ATP10B: variants seen among roughly 807,000 people sequenced by gnomAD.
The protein encoded by ATP10B is phospholipid-transporting ATPase VB.
A neutral mutation model predicts 141.2 loss-of-function variants in ATP10B; 122 were observed. That is an observed-to-expected ratio of 0.86 (90% CI 0.75 to 1.00). ATP10B has a LOEUF of 1.00. Ranked by LOEUF, ATP10B falls within the 50% of genes least tolerant of loss-of-function variation. The probability of loss-of-function intolerance (pLI) is 0.00; values close to 1 mark genes in which losing one functional copy is unlikely to be tolerated. For synonymous variants in ATP10B, 685 were observed against 692.0 expected (o/e 0.99, Z 0.16); for missense variants, 1,876 against 1,825.3 (o/e 1.03, Z -0.51).
intron 2 of ATP10B, among the ~76,000 whole-genome samples, chr5:160,783,043 T>C (rs1025501959): frequency 6.6e-6 from 1 of 152,098 alleles, no homozygotes; most frequent in African/African-American, 2.4e-5. Flanking sequence ...TTTTATTTTC[T>C]TCCATAAGTT....
At chr5:160,650,307 G>A (rs917034287) in intron 7 of ATP10B, among the ~76,000 whole-genome samples, 1 of 151,936 alleles carries the variant, frequency 6.6e-6, no homozygotes, top group African/African-American at 2.4e-5. Flanking sequence ...GAGATTCAGT[G>A]TTCATTACAA....
the ATP10B span, among the ~76,000 whole-genome samples, chr5:160,918,407 T>C: frequency 6.6e-6 from 1 of 152,142 alleles, no homozygotes; most frequent in South Asian, 2.1e-4. Context: ...ATCTGAGCTC[T>C]GAAGGGTTAA....
At chr5:160,834,125 G>A (rs1048909392) in intron 1 of ATP10B, among the ~76,000 whole-genome samples, 14 of 151,914 alleles carry the variant, frequency 9.2e-5, no homozygotes, top group Non-Finnish European at 1.8e-4. Context: ...AGGAGTTTGA[G>A]AACAGCTTGG....
At chr5:160,804,976 A>G (rs1460741120) in intron 1 of ATP10B, among the ~76,000 whole-genome samples, 1 of 152,214 alleles carries the variant, frequency 6.6e-6, no homozygotes, top group East Asian at 1.9e-4. Flanking sequence ...TTCCAGATAC[A>G]TGGGTTCCCT....
chr5:160,761,498 C>T (rs1448172559), intron 2 of ATP10B, among the ~76,000 whole-genome samples: 1 of 152,186 alleles, frequency 6.6e-6, no homozygotes, highest in African/African-American at 2.4e-5. Flanking sequence ...TCACTGCAGT[C>T]TGGCTCTTAG....
chr5:160,922,274 C>CAA, the ATP10B span, among the ~76,000 whole-genome samples: 7 of 152,336 alleles, frequency 4.6e-5, no homozygotes, highest in South Asian at 4.1e-4. Flanking sequence ...TGTCTTGTAG[C>CAA]AAGTCACTTT....
intron 10 of ATP10B, among the ~76,000 whole-genome samples, chr5:160,640,133 T>G (rs908442261): frequency 6.6e-6 from 1 of 152,252 alleles, no homozygotes; most frequent in African/African-American, 2.4e-5. Context: ...TTTGTGTTGT[T>G]CTAAATGACT....
At chr5:160,824,768 A>G (rs1774445663) in intron 1 of ATP10B, among the ~76,000 whole-genome samples, 1 of 152,216 alleles carries the variant, frequency 6.6e-6, no homozygotes, top group Non-Finnish European at 1.5e-5. Context: ...GGTATATGCA[A>G]TCTTTCATTG....
At chr5:160,834,789 T>C (rs1018525549) in intron 1 of ATP10B, among the ~76,000 whole-genome samples, 1 of 152,114 alleles carries the variant, frequency 6.6e-6, no homozygotes, top group Non-Finnish European at 1.5e-5. Flanking sequence ...AGCCAAAGTA[T>C]GGACTAATTA....
intron 2 of ATP10B, among the ~76,000 whole-genome samples, chr5:160,768,174 T>TTTAAAA (rs1769618078): frequency 6.6e-6 from 1 of 152,186 alleles, no homozygotes; most frequent in Non-Finnish European, 1.5e-5. Flanking sequence ...CATCATGAAT[T>TTTAAAA]TTAAAGCATT....
the ATP10B span, among the ~76,000 whole-genome samples, chr5:160,877,003 GAA>G: frequency 6.6e-6 from 1 of 151,194 alleles, no homozygotes; most frequent in South Asian, 2.1e-4. Context: ...CCAATCAACA[GAA>G]AAAGAGGGAA....
At chr5:160,701,136 C>G (rs1341946382) in intron 3 of ATP10B, among the ~76,000 whole-genome samples, 1 of 152,158 alleles carries the variant, frequency 6.6e-6, no homozygotes, top group East Asian at 1.9e-4. Flanking sequence ...CCTCTAGTCT[C>G]TTTTCCACAG....
rs1314313917 is a variant in ATP10B at position 160,584,500 on chromosome 5, C to T, written c.3750+5092G>A. ...TTGGCCATCTCGCCAGCCACCCCTG[C>T]TCTCATTTTTTCATCTTTCCTACAT... On this transcript the variant is annotated intron_variant, in intron 24 of 25. Coordinates refer to ENST00000327245, the MANE Select transcript of ATP10B (RefSeq NM_025153.3). Among the ~76,000 whole-genome samples, 2 of 152,120 alleles carry T rather than the reference C, an allele frequency of 1.3e-5. 1 individual carries two copies. The highest frequency in any genetic ancestry group is 2.9e-5 in the Non-Finnish European group (2 of 68,002).
chr5:160,879,709 G>A, the ATP10B span, among the ~76,000 whole-genome samples: 1 of 151,926 alleles, frequency 6.6e-6, no homozygotes, highest in Non-Finnish European at 1.5e-5. Context: ...GTGGTAGCGG[G>A]CGCCTGTAGT....
chr5:160,683,466 A>G (rs1581349657), intron 6 of ATP10B, among the ~76,000 whole-genome samples: 1 of 152,042 alleles, frequency 6.6e-6, no homozygotes, highest in Admixed American at 6.5e-5. Flanking sequence ...GTGGAGTTTG[A>G]CTCATAAATC....
chr5:160,783,036 T>A (rs1561848156), intron 2 of ATP10B, among the ~76,000 whole-genome samples: 1 of 152,116 alleles, frequency 6.6e-6, no homozygotes, highest in African/African-American at 2.4e-5. Flanking sequence ...GGAAATTTTT[T>A]ATTTTCTTCC....
chr5:160,893,571 C>T, the ATP10B span, among the ~76,000 whole-genome samples: 1 of 152,204 alleles, frequency 6.6e-6, no homozygotes, highest in African/African-American at 2.4e-5. Flanking sequence ...ATAAAACTCT[C>T]TCCCTGGGAC....
chr5:160,614,488 T>C (rs976110813), intron 17 of ATP10B: 2 of 152,262 alleles, frequency 1.3e-5, no homozygotes, highest in African/African-American at 4.8e-5. Context: ...CTGAATGGGA[T>C]GACTTTCTGG....
intron 1 of ATP10B, among the ~76,000 whole-genome samples, chr5:160,843,912 C>T (rs1346356439): frequency 1.3e-5 from 2 of 151,692 alleles, no homozygotes; most frequent in Non-Finnish European, 2.9e-5. Context: ...AATTTATTTT[C>T]TCATTTTTAA....
Sources: gnomAD v4.1 joint callset for allele counts (sites outside exome capture counted in the v4.1 genomes callset) on GRCh38, gnomAD v4.1.1 for gene constraint, MANE v1.5 for transcripts, NCBI Gene and HGNC (gene_info 2026-07-23, HGNC 2026-07-21) for gene names.